MYOF: variants seen among roughly 807,000 people sequenced by gnomAD.
MYOF encodes fer-1-like 3, myoferlin.
In MYOF, 244 loss-of-function variants were observed where a neutral mutation model predicts 284.2. That is an observed-to-expected ratio of 0.86 (90% confidence interval 0.77 to 0.95). MYOF has a LOEUF of 0.95. Among genes scored for constraint, MYOF ranks in the 40% least tolerant of loss-of-function variants. The pLI, the probability that MYOF is intolerant of heterozygous loss-of-function variation, is 0.00. For synonymous variants in MYOF, 904 were observed against 919.7 expected (o/e 0.98, Z 0.31); for missense variants, 2,496 against 2,560.6 (o/e 0.97, Z 0.54).
At chr10:93,383,178 T>C (rs1427074029) in intron 19 of MYOF, among the ~76,000 whole-genome samples, 1 of 152,216 alleles carries the variant, frequency 6.6e-6, no homozygotes, top group Non-Finnish European at 1.5e-5. Flanking sequence ...ATTACAGGCA[T>C]GAGCCACCGT....
chr10:93,351,362 A>G, intron 34 of MYOF, 51 bp downstream of exon 34: 3 of 1,610,114 alleles, frequency 1.9e-6, no homozygotes, highest in Non-Finnish European at 2.5e-6. Context: ...TAGAATTAAC[A>G]TGCATTTTAA....
chr10:93,456,920 T>C lies in MYOF; in HGVS notation c.106A>G (p.Lys36Glu), dbSNP rs1364325746. ...GGGTTCAATTCATTATCAACTTTCT[T>C]TGTTTTCTTTTTCTCATCTGCAAAA... Reference protein sequence around the residue: ...VIFKDEKKKTKKVDNELNPVW... With the variant: ...VIFKDEKKKTEKVDNELNPVW... Residue 36 changes from lysine (K) to glutamate (E), a missense_variant, in exon 2 of 54, where the codon AAG (lysine) becomes GAG (glutamate). Lys to Glu is a moderately conservative substitution (Grantham distance 56). Around this residue, in one of 3 missense-constraint regions of MYOF, gnomAD observed 57 missense variants for 62.4 expected, o/e 0.91. Coordinates refer to ENST00000359263, the MANE Select transcript of MYOF (RefSeq NM_013451.4). 2 of 1,607,678 alleles carry C rather than the reference T, an allele frequency of 1.2e-6. No homozygotes were observed. The highest frequency in any genetic ancestry group is 8.5e-7 in the Non-Finnish European group (1 of 1,178,256).
chr10:93,404,029 T>C lies in MYOF; in HGVS notation c.837A>G (p.Glu279=), dbSNP rs1176166890. ...GCAGACTGTTGTCACTCACCTTAAA[T>C]TCCCCCATCAGACAATCTGCCCGCA... is the stretch of plus-strand genomic sequence containing the variant. ...HSLRADCLMG[E]FKIDVGFVYD... is the part of the protein sequence containing the mutation. The change falls in exon 9 of 54, where the codon GAA becomes GAG. Residue 279 remains glutamate, a synonymous_variant. Transcript: ENST00000359263. 2 of 1,613,968 alleles carry C rather than the reference T, an allele frequency of 1.2e-6. No homozygotes were observed. The highest frequency in any genetic ancestry group is 1.7e-6 in the Non-Finnish European group (2 of 1,179,864).
At chr10:93,369,797 T>A in intron 24 of MYOF, 21 bp from the exon 25 acceptor site, 2 of 1,613,930 alleles carry the variant, frequency 1.2e-6, no homozygotes, top group Admixed American at 1.7e-5. Context: ...AACAATAGCA[T>A]GTGATGTTAC....
At chr10:93,332,260 T>C (rs546708669) in intron 43 of MYOF, among the ~76,000 whole-genome samples, 5 of 151,868 alleles carry the variant, frequency 3.3e-5, no homozygotes, top group African/African-American at 9.7e-5. Context: ...TCTTGCTCTG[T>C]CGCCCAGGCT....
At chr10:93,400,853 G>GTTTTTTTT (rs551007757) in intron 12 of MYOF, among the ~76,000 whole-genome samples, 4 of 113,958 alleles carry the variant, frequency 3.5e-5, no homozygotes, top group African/African-American at 1.4e-4. Flanking sequence ...TGCTCAGCAT[G>GTTTTTTTT]TTTTTTTTTT....
chr10:93,415,760 T>C (rs1182390362), intron 5 of MYOF, among the ~76,000 whole-genome samples: 1 of 152,220 alleles, frequency 6.6e-6, no homozygotes, highest in Non-Finnish European at 1.5e-5. Flanking sequence ...TGTTGCTACT[T>C]AAGGAGTTTT....
intron 43 of MYOF, among the ~76,000 whole-genome samples, chr10:93,331,215 T>G (rs1325084104): frequency 6.6e-6 from 1 of 152,166 alleles, no homozygotes; most frequent in Non-Finnish European, 1.5e-5. Flanking sequence ...GAAAGGTTGT[T>G]CCTTCCTGAA....
intron 25 of MYOF, among the ~76,000 whole-genome samples, chr10:93,367,181 C>T (rs907829347): frequency 5.3e-5 from 8 of 152,196 alleles, no homozygotes; most frequent in African/African-American, 1.2e-4. Context: ...CTCTGGGAAG[C>T]AGGCTGAATG....
At position 93,391,420 on chromosome 10, in the gene MYOF, C is replaced by A. The variant is rs142681109; in HGVS notation, c.1456+1497G>T. On this transcript the variant is annotated intron_variant, in intron 17 of 53. Transcript: ENST00000359263. ...CAGCCTGGCCAACATGGCGAAACCCCATCTCTACTAAAAACACAAAAAAAA... is the reference window on the plus strand; with the variant it reads ...CAGCCTGGCCAACATGGCGAAACCCAATCTCTACTAAAAACACAAAAAAAA... Among the ~76,000 whole-genome samples the A allele has an allele frequency of 2.7e-3, 413 of 151,840 alleles. 6 individuals carry two copies. The East Asian group carries it at 0.041, about 15-fold the overall frequency.
intron 1 of MYOF, among the ~76,000 whole-genome samples, chr10:93,460,397 A>C (rs905693877): frequency 2.0e-5 from 3 of 152,236 alleles, no homozygotes; most frequent in African/African-American, 7.2e-5. Context: ...TCATTCACAA[A>C]CATTTATTAA....
intron 5 of MYOF, among the ~76,000 whole-genome samples, chr10:93,425,412 CT>C (rs768990109): frequency 2.6e-5 from 4 of 152,252 alleles, no homozygotes; most frequent in Non-Finnish European, 4.4e-5. Context: ...TCCGACTCAG[CT>C]GCATGAGAGG....
Position 93,426,133 on chromosome 10 carries a change from T to C in MYOF, c.371A>G (p.Tyr124Cys), listed in dbSNP as rs1406846310. 2 of 1,560,254 alleles carry C rather than the reference T, an allele frequency of 1.3e-6. No homozygotes were observed. The highest frequency in any genetic ancestry group is 2.7e-5 in the African/African-American group (2 of 73,622). Residue 124 changes from tyrosine (Y) to cysteine (C), a missense_variant, in exon 5 of 54, where the codon TAT becomes TGT. Transcript: ENST00000359263. ...TGATIDLVIG[Y>C]DPPSAPHPND... The stretch of plus-strand genomic sequence containing the variant: ...TGGATGTGGAGCAGAAGGCGGATCA[T>C]AGCCGATCACCAAGTCAATGGTGGC...
rs141566426 is a variant in MYOF at position 93,312,987 on chromosome 10, C to T, written c.5889+33G>A. 215 of 1,571,718 alleles carry T rather than the reference C, an allele frequency of 1.4e-4. No homozygotes were observed. In the African/African-American group the frequency reaches 2.5e-3, roughly 18 times the overall value. On this transcript the variant is annotated intron_variant, in intron 51 of 53. Transcript: ENST00000359263. ...AAACCTAAATGATAAAAGGCATAAA[C>T]GATTTTCAACCAGAACCAGGAAATG...
intron 37 of MYOF, 50 bp downstream of exon 37, chr10:93,347,567 A>AATAAAAAAAG: frequency 8.4e-7 from 1 of 1,186,098 alleles, no homozygotes; most frequent in Non-Finnish European, 1.1e-6. Context: ...TCAAAAAAAA[A>AATAAAAAAAG]AAAAAAAAAA....
intron 18 of MYOF, 96 bp downstream of exon 18, chr10:93,388,934 G>A: frequency 6.8e-7 from 1 of 1,467,114 alleles, no homozygotes; most frequent in East Asian, 2.3e-5. Context: ...TAGGGAGTAT[G>A]AAACTTCTAT....
At chr10:93,360,024 C>A in intron 28 of MYOF, 46 bp from the exon 29 acceptor site, 2 of 1,610,574 alleles carry the variant, frequency 1.2e-6, no homozygotes, top group South Asian at 1.1e-5. Flanking sequence ...ATGCATTTGC[C>A]AGATCACCAA....
At chr10:93,422,020 C>T (rs1033742355) in intron 5 of MYOF, among the ~76,000 whole-genome samples, 7 of 16,806 alleles carry the variant, frequency 4.2e-4, no homozygotes, top group Admixed American at 7.8e-4. Context: ...GACCGAGCCC[C>T]GGCAAACATT....
intron 5 of MYOF, among the ~76,000 whole-genome samples, chr10:93,421,233 G>A (rs1848345360): frequency 6.6e-6 from 1 of 152,006 alleles, no homozygotes; most frequent in Non-Finnish European, 1.5e-5. Context: ...AAGAAAGAAA[G>A]AAAGAAAGTT....
Sources: gnomAD v4.1 joint callset for allele counts (sites outside exome capture counted in the v4.1 genomes callset) on GRCh38, gnomAD v4.1.1 for gene constraint, gnomAD v4.1.1 regional missense constraint, MANE v1.5 for transcripts, NCBI Gene and HGNC (gene_info 2026-07-23, HGNC 2026-07-21) for gene names.